The following GPC6 variants were observed in gnomAD, a reference collection of about 807,000 sequenced individuals.
GPC6 encodes the protein glypican 6.
Under a neutral mutation model 55.2 loss-of-function variants are expected in GPC6, and 14 were observed. That is an observed-to-expected ratio of 0.25 (90% confidence interval 0.17 to 0.40). The LOEUF (loss-of-function observed/expected upper bound fraction) is 0.40, where lower values mean the gene tolerates loss of function less well. Among genes scored for constraint, GPC6 ranks in the 10% least tolerant of loss-of-function variants. GPC6 has a pLI of 1.00. For synonymous variants in GPC6, 278 were observed against 259.6 expected, an observed-to-expected ratio of 1.07 and a Z score of -0.68; for missense variants, 641 against 708.5, an observed-to-expected ratio of 0.90 and a Z score of 1.08.
At chr13:94,321,798 A>G (rs570803490) in intron 6 of GPC6, among the ~76,000 whole-genome samples, 12 of 152,302 alleles carry the variant, frequency 7.9e-5, no homozygotes, top group Admixed American at 3.3e-4. Context: ...GCCTGAGCCT[A>G]TGGACCCTAG....
intron 6 of GPC6, among the ~76,000 whole-genome samples, chr13:94,313,991 C>A (rs1876389855): frequency 1.3e-5 from 2 of 152,206 alleles, no homozygotes; most frequent in African/African-American, 4.8e-5. Flanking sequence ...AGATATCAAT[C>A]TATCAATAAA....
At chr13:93,361,649 A>G (rs1196533907) in intron 1 of GPC6, among the ~76,000 whole-genome samples, 1 of 152,230 alleles carries the variant, frequency 6.6e-6, no homozygotes, top group Non-Finnish European at 1.5e-5. Flanking sequence ...AAATTGCACA[A>G]AATAAGATGG....
intron 4 of GPC6, among the ~76,000 whole-genome samples, chr13:94,132,867 G>T (rs1010435121): frequency 1.3e-5 from 2 of 152,164 alleles, no homozygotes; most frequent in Non-Finnish European, 2.9e-5. Flanking sequence ...CGATTTCAGA[G>T]TTAGTCTAGC....
chr13:93,351,709 A>G (rs1276324332), intron 1 of GPC6, among the ~76,000 whole-genome samples: 2 of 152,196 alleles, frequency 1.3e-5, no homozygotes, highest in Non-Finnish European at 2.9e-5. Flanking sequence ...CATAATTTGT[A>G]CAATTACTAT....
chr13:93,691,769 A>G (rs1566489324), intron 2 of GPC6, among the ~76,000 whole-genome samples: 1 of 152,080 alleles, frequency 6.6e-6, no homozygotes, highest in Non-Finnish European at 1.5e-5. Context: ...ATAAGTTATG[A>G]AATTTAAAAA....
chr13:93,853,305 A>T (rs1476208363), intron 3 of GPC6, among the ~76,000 whole-genome samples: 1 of 151,688 alleles, frequency 6.6e-6, no homozygotes, highest in East Asian at 1.9e-4. Context: ...ACGCCTTACC[A>T]CCACTATGGC....
At chr13:93,751,368 G>T (rs1884583391) in intron 2 of GPC6, among the ~76,000 whole-genome samples, 1 of 150,912 alleles carries the variant, frequency 6.6e-6, no homozygotes, top group African/African-American at 2.4e-5. Flanking sequence ...CATTATTTTT[G>T]TTGAGTTTCA....
chr13:93,659,573 G>A (rs1885330103), intron 2 of GPC6, among the ~76,000 whole-genome samples: 1 of 151,984 alleles, frequency 6.6e-6, no homozygotes, highest in Non-Finnish European at 1.5e-5. Context: ...TAAAAAAGCA[G>A]CAATGCAGAT....
intron 3 of GPC6, among the ~76,000 whole-genome samples, chr13:93,838,828 A>G (rs552230101): frequency 7.9e-5 from 12 of 152,232 alleles, no homozygotes; most frequent in African/African-American, 2.6e-4. Flanking sequence ...CTGTCCCCAG[A>G]GTCAGGGATG....
chr13:93,483,212 G>T, intron 1 of GPC6, among the ~76,000 whole-genome samples: 1 of 152,210 alleles, frequency 6.6e-6, no homozygotes, highest in East Asian at 1.9e-4. Context: ...AAATCCTGGA[G>T]TCCCACCTTT....
intron 4 of GPC6, among the ~76,000 whole-genome samples, chr13:94,142,901 T>C (rs2138883024): frequency 6.6e-6 from 1 of 151,926 alleles, no homozygotes; most frequent in African/African-American, 2.4e-5. Flanking sequence ...CGATCGCGGC[T>C]TACAGCAACC....
intron 7 of GPC6, among the ~76,000 whole-genome samples, chr13:94,384,927 T>C (rs555460499): frequency 6.6e-6 from 1 of 152,294 alleles, no homozygotes; most frequent in East Asian, 1.9e-4. Flanking sequence ...CCATCAGCAG[T>C]ATGATTAAGT....
chr13:93,367,532 A>G (rs1171140846), intron 1 of GPC6, among the ~76,000 whole-genome samples: 1 of 152,008 alleles, frequency 6.6e-6, no homozygotes, highest in Non-Finnish European at 1.5e-5. Flanking sequence ...GTGGGTGCTT[A>G]GATAACTGAT....
At chr13:93,302,432 G>A (rs1393212419) in intron 1 of GPC6, among the ~76,000 whole-genome samples, 4 of 152,172 alleles carry the variant, frequency 2.6e-5, no homozygotes, top group African/African-American at 9.7e-5. Context: ...CCTGGAGTAT[G>A]TTTTAAGAAT....
At chr13:93,217,641 C>T in the GPC6 span, among the ~76,000 whole-genome samples, 287 of 152,254 alleles carry the variant, frequency 1.9e-3, no homozygotes, top group Middle Eastern at 6.8e-3. Flanking sequence ...CAGCAAGTTA[C>T]AAGTTTAAAA....
chr13:94,056,675 A>G (rs540455283), intron 4 of GPC6, among the ~76,000 whole-genome samples: 3 of 152,322 alleles, frequency 2.0e-5, no homozygotes, highest in Admixed American at 1.3e-4. Context: ...CATGAGTAGT[A>G]GATGTATATT....
chr13:93,666,811 G>A (rs963725964), intron 2 of GPC6, among the ~76,000 whole-genome samples: 2 of 152,104 alleles, frequency 1.3e-5, no homozygotes, highest in African/African-American at 4.8e-5. Flanking sequence ...TTTTAAAGGA[G>A]CTGGTCCAAC....
At chr13:94,394,875 T>C (rs1407447219) in intron 7 of GPC6, among the ~76,000 whole-genome samples, 1 of 152,200 alleles carries the variant, frequency 6.6e-6, no homozygotes, top group Non-Finnish European at 1.5e-5. Context: ...AGTCTCTTAT[T>C]GTTCCTGGAT....
intron 1 of GPC6, among the ~76,000 whole-genome samples, chr13:93,435,211 C>T (rs540521988): frequency 7.1e-4 from 108 of 152,060 alleles, no homozygotes; most frequent in African/African-American, 2.5e-3. Flanking sequence ...ATCTCTTAGG[C>T]CCAAGTGATC....
Sources: allele counts gnomAD v4.1 joint callset (sites outside exome capture counted in the v4.1 genomes callset), GRCh38; gene constraint gnomAD v4.1.1; transcripts MANE v1.5; gene names NCBI Gene and HGNC (gene_info 2026-07-23, HGNC 2026-07-21).